GRIK1: variants seen among roughly 807,000 people sequenced by gnomAD.
GRIK1 encodes glutamate ionotropic receptor kainate type subunit 1, also known as glutamate receptor ionotropic, kainate 1.
Under a neutral mutation model 105.7 loss-of-function variants are expected in GRIK1, and 69 were observed. The observed-to-expected ratio is 0.65, with a 90% confidence interval of 0.54 to 0.80. The LOEUF is 0.80. Among genes scored for constraint, GRIK1 ranks in the 30% least tolerant of loss-of-function variants. The pLI, the probability that GRIK1 is intolerant of heterozygous loss-of-function variation, is 0.00. For synonymous variants in GRIK1, 438 were observed against 431.3 expected, an observed-to-expected ratio of 1.02 and a Z score of -0.19; for missense variants, 1,109 against 1,167.3, an observed-to-expected ratio of 0.95 and a Z score of 0.73.
intron 2 of GRIK1, among the ~76,000 whole-genome samples, chr21:29,692,354 C>A (rs538937583): frequency 1.3e-5 from 2 of 151,584 alleles, no homozygotes; most frequent in African/African-American, 4.9e-5. Flanking sequence ...TAAGAGAGAG[C>A]GATGAGAGAA....
At chr21:29,922,978 T>C (rs1421417628) in intron 1 of GRIK1, among the ~76,000 whole-genome samples, 1 of 152,186 alleles carries the variant, frequency 6.6e-6, no homozygotes. Context: ...TTCTTCTTTC[T>C]TTTTATTTGA....
At chr21:29,782,533 T>C (rs2066152464) in intron 1 of GRIK1, among the ~76,000 whole-genome samples, 1 of 152,170 alleles carries the variant, frequency 6.6e-6, no homozygotes, top group African/African-American at 2.4e-5. Context: ...TATCATGAGG[T>C]CTAGGATTCT....
At chr21:29,720,403 T>A (rs969243753) in intron 1 of GRIK1, among the ~76,000 whole-genome samples, 1 of 152,198 alleles carries the variant, frequency 6.6e-6, no homozygotes, top group Non-Finnish European at 1.5e-5. Flanking sequence ...AGCTAATATG[T>A]CCTTGGGGTA....
At chr21:29,933,434 G>A (rs1425724292) in intron 1 of GRIK1, among the ~76,000 whole-genome samples, 1 of 152,158 alleles carries the variant, frequency 6.6e-6, no homozygotes, top group Non-Finnish European at 1.5e-5. Context: ...TAATTAAAAT[G>A]TGAAAGACAC....
chr21:29,560,528 C>CTTTCTTTCTTTCTTTCT, intron 15 of GRIK1, among the ~76,000 whole-genome samples: 2 of 73,430 alleles, frequency 2.7e-5, no homozygotes, highest in Non-Finnish European at 5.1e-5. Flanking sequence ...TCCTTTCTTT[C>CTTTCTTTCTTTCTTTCT]TTTCTTTCTT....
At chr21:29,726,824 C>A (rs2064477620) in intron 1 of GRIK1, among the ~76,000 whole-genome samples, 1 of 151,560 alleles carries the variant, frequency 6.6e-6, no homozygotes. Context: ...AAAAGCTTTA[C>A]TTCTAATATC....
intron 1 of GRIK1, among the ~76,000 whole-genome samples, chr21:29,884,974 C>A (rs1038358695): frequency 2.6e-5 from 4 of 151,970 alleles, no homozygotes; most frequent in Non-Finnish European, 5.9e-5. Flanking sequence ...AGATTCTAAT[C>A]CCAAATGAAA....
intron 7 of GRIK1, among the ~76,000 whole-genome samples, chr21:29,615,955 C>T (rs2061840827): frequency 1.3e-5 from 2 of 152,172 alleles, no homozygotes; most frequent in Non-Finnish European, 2.9e-5. Flanking sequence ...AGATTTTGAG[C>T]AAAGCAATCA....
chr21:29,834,289 A>G (rs1019285654), intron 1 of GRIK1, among the ~76,000 whole-genome samples: 11 of 149,610 alleles, frequency 7.4e-5, no homozygotes, highest in African/African-American at 1.9e-4. Flanking sequence ...TTTGAAAACT[A>G]TTAAACAGAA....
chr21:29,918,196 T>A (rs1418168781), intron 1 of GRIK1, among the ~76,000 whole-genome samples: 1 of 152,080 alleles, frequency 6.6e-6, no homozygotes, highest in African/African-American at 2.4e-5. Context: ...AAGAAAATTT[T>A]AAAAATCCAA....
At chr21:29,876,381 A>G (rs996092493) in intron 1 of GRIK1, among the ~76,000 whole-genome samples, 13 of 152,056 alleles carry the variant, frequency 8.5e-5, no homozygotes, top group African/African-American at 3.1e-4. Flanking sequence ...ATTTCTTAGG[A>G]AATTATAGGA....
chr21:29,710,453 C>A (rs1359314681), intron 1 of GRIK1, among the ~76,000 whole-genome samples: 2 of 152,090 alleles, frequency 1.3e-5, no homozygotes, highest in Non-Finnish European at 2.9e-5. Flanking sequence ...CTTAAAAAAA[C>A]TAATCAGTGT....
chr21:29,609,677 C>T (rs998355493), intron 7 of GRIK1, among the ~76,000 whole-genome samples: 23 of 152,078 alleles, frequency 1.5e-4, no homozygotes, highest in African/African-American at 5.3e-4. Flanking sequence ...TAGGCCATCT[C>T]ATCTCATCTT....
intron 7 of GRIK1, among the ~76,000 whole-genome samples, chr21:29,617,872 T>C (rs780189758): frequency 1.3e-5 from 2 of 152,258 alleles, no homozygotes; most frequent in Non-Finnish European, 2.9e-5. Context: ...TTATTTGATT[T>C]AGAATATGTT....
intron 16 of GRIK1, among the ~76,000 whole-genome samples, chr21:29,544,709 G>A (rs1378904869): frequency 6.6e-6 from 1 of 152,186 alleles, no homozygotes. Context: ...GGAAAAGGCA[G>A]GTACTTTGAA....
At chr21:29,541,251 C>CCA (rs2146089445) in intron 16 of GRIK1, among the ~76,000 whole-genome samples, 1 of 152,306 alleles carries the variant, frequency 6.6e-6, no homozygotes, top group African/African-American at 2.4e-5. Context: ...CAGGCGTAAG[C>CCA]CACCGTGTCC....
At chr21:29,583,004 T>G (rs539376347) in intron 12 of GRIK1, among the ~76,000 whole-genome samples, 2 of 152,082 alleles carry the variant, frequency 1.3e-5, no homozygotes, top group South Asian at 2.1e-4. Flanking sequence ...TTCCTCCTCA[T>G]GAAAAACCAT....
At chr21:29,631,198 A>G (rs1342065809) in intron 7 of GRIK1, among the ~76,000 whole-genome samples, 1 of 152,188 alleles carries the variant, frequency 6.6e-6, no homozygotes, top group Non-Finnish European at 1.5e-5. Flanking sequence ...TTCTAGGTGT[A>G]TGGTCTCAAG....
At chr21:29,654,710 T>C (rs2062814400) in intron 5 of GRIK1, 100 bp downstream of exon 5, 2 of 765,102 alleles carry the variant, frequency 2.6e-6, no homozygotes, top group Non-Finnish European at 2.4e-6. Context: ...CAAGTCTCCA[T>C]GACAATATCC....
Sources: allele counts gnomAD v4.1 joint callset (sites outside exome capture counted in the v4.1 genomes callset), GRCh38; gene constraint gnomAD v4.1.1; transcripts MANE v1.5; gene names NCBI Gene and HGNC (gene_info 2026-07-23, HGNC 2026-07-21).